The following ZC3H3 variants were observed in gnomAD, a reference collection of about 807,000 sequenced individuals.
ZC3H3 encodes the protein zinc finger CCCH domain-containing protein 3.
Under a neutral mutation model 77.3 loss-of-function variants are expected in ZC3H3, and 36 were observed. The ratio of observed to expected loss-of-function variants is 0.47; its 90% CI spans 0.36 to 0.61. ZC3H3 has a LOEUF of 0.61. Among genes scored for constraint, ZC3H3 ranks in the 20% least tolerant of loss-of-function variants. ZC3H3 has a pLI of 0.00. For synonymous variants in ZC3H3, 626 were observed against 555.2 expected, an observed-to-expected ratio of 1.13 and a Z score of -1.79; for missense variants, 1,331 against 1,312.2, an observed-to-expected ratio of 1.01 and a Z score of -0.22.
In ZC3H3 at chr8:143,533,770, G is replaced by A. The variant is rs181480871; in HGVS notation, c.1561+2487C>T. On this transcript the variant is annotated intron_variant, in intron 3 of 11. Transcript: ENST00000262577. This position sits in a 1 kb window ranked among gnomAD's most constrained non-coding sequence, Gnocchi z 4.0. ...GGCACGATCTAACCTCTGCCTCCTG[G>A]GTTCAAGTGATTCTCCTGCCTCAGC... 6.6e-6 allele frequency among the ~76,000 whole-genome samples: 1 copy of A among 151,652 alleles called. No individual in the cohort carries two copies. The highest frequency in any genetic ancestry group is 1.5e-5 in the Non-Finnish European group (1 of 67,970).
At chr8:143,517,937 G>A (rs1282164718) in intron 3 of ZC3H3, among the ~76,000 whole-genome samples, 4 of 152,200 alleles carry the variant, frequency 2.6e-5, no homozygotes, top group Admixed American at 2.0e-4. Flanking sequence ...ACCTGCTCGG[G>A]GCCAGGACAG....
chr8:143,463,540 C>T (rs573819011), intron 9 of ZC3H3, among the ~76,000 whole-genome samples: 1 of 152,286 alleles, frequency 6.6e-6, no homozygotes, highest in South Asian at 2.1e-4. Context: ...ACGCCGGCCG[C>T]GGATCAGAAT....
intron 4 of ZC3H3, among the ~76,000 whole-genome samples, chr8:143,504,607 C>G (rs531468763): frequency 6.6e-6 from 1 of 152,168 alleles, no homozygotes; most frequent in Non-Finnish European, 1.5e-5. Flanking sequence ...CAGGCAGGGA[C>G]GGGCTGTCAG....
intron 4 of ZC3H3, among the ~76,000 whole-genome samples, chr8:143,502,106 T>G (rs1206256716): frequency 1.3e-5 from 2 of 152,258 alleles, no homozygotes; most frequent in Non-Finnish European, 2.9e-5. Flanking sequence ...GGAAGACAGC[T>G]GTCTGTAAAC....
At position 143,533,927 on chromosome 8, in the gene ZC3H3, C is replaced by T. The variant is rs1001548544; in HGVS notation, c.1561+2330G>A. On this transcript the variant is annotated intron_variant, in intron 3 of 11. Coordinates refer to ENST00000262577, the MANE Select transcript of ZC3H3 (RefSeq NM_015117.3). This position sits in a 1 kb window ranked among gnomAD's most constrained non-coding sequence, Gnocchi z 4.0. ...CTGACCTCAGGTGATCCACCCGCCT[C>T]GGCCTCCCAGTGTGCTGGGATTACA... Among the ~76,000 whole-genome samples the T allele has an allele frequency of 5.9e-5, 9 of 152,098 alleles. No homozygotes were observed. Among genetic ancestry groups the T allele is most frequent in the Admixed American group, 3.3e-4 (5 of 15,282 alleles).
chr8:143,510,549 G>T (rs1010929929), intron 3 of ZC3H3, among the ~76,000 whole-genome samples: 1 of 152,212 alleles, frequency 6.6e-6, no homozygotes. Flanking sequence ...CATGGCACAC[G>T]GACCCAGAAA....
chr8:143,489,206 T>C (rs1821129934), intron 4 of ZC3H3, among the ~76,000 whole-genome samples: 1 of 152,138 alleles, frequency 6.6e-6, no homozygotes, highest in African/African-American at 2.4e-5. Context: ...CAGAGAAAGG[T>C]TGGAGCTGGG....
chr8:143,461,158 T>C (rs1439111777), intron 9 of ZC3H3, among the ~76,000 whole-genome samples: 4 of 152,182 alleles, frequency 2.6e-5, no homozygotes, highest in African/African-American at 9.7e-5. Context: ...AACTATTGAA[T>C]TGTACACTAA....
At chr8:143,438,173 CG>C (rs200065716) in intron 11 of ZC3H3, 86 bp from the exon 12 acceptor site, 6 of 1,526,750 alleles carry the variant, frequency 3.9e-6, no homozygotes, top group Middle Eastern at 1.7e-4. Context: ...GGCTCAGGAT[CG>C]GGGGGCTCTG....
chr8:143,532,962 G>A (rs567549736), intron 3 of ZC3H3, among the ~76,000 whole-genome samples: 1 of 152,264 alleles, frequency 6.6e-6, no homozygotes, highest in South Asian at 2.1e-4. Flanking sequence ...CATCTCCACG[G>A]GCTCCCTGCC....
intron 3 of ZC3H3, among the ~76,000 whole-genome samples, chr8:143,525,453 G>A (rs1439417878): frequency 1.3e-5 from 2 of 152,220 alleles, no homozygotes; most frequent in Non-Finnish European, 2.9e-5. Context: ...GCTGAGCCCA[G>A]AGACTCTGTG....
At chr8:143,491,711 G>A (rs1821208487) in intron 4 of ZC3H3, among the ~76,000 whole-genome samples, 1 of 152,246 alleles carries the variant, frequency 6.6e-6, no homozygotes, top group Admixed American at 6.5e-5. Context: ...TCACAGCAGG[G>A]ATGGGGTGGA....
At position 143,468,410 on chromosome 8, in the gene ZC3H3, C is replaced by T. The variant is rs748953654; in HGVS notation, c.2077G>A (p.Asp693Asn). The stretch of plus-strand genomic sequence containing the variant: ...GTGCACACGGCCACCTTCTCGGGAT[C>T]GTGGATGTAGGGGCAGCGCTCGCCA... ...NRGERCPYIH[D>N]PEKVAVCTRF... Residue 693 changes from aspartate (D) to asparagine (N), a missense_variant, in exon 7 of 12, where the codon GAT becomes AAT. Asp to Asn is a conservative substitution (Grantham distance 23, BLOSUM62 1). Around this residue, in one of 3 missense-constraint regions of ZC3H3, gnomAD observed 104 missense variants for 159.7 expected, o/e 0.65. Coordinates refer to ENST00000262577, the MANE Select transcript of ZC3H3 (RefSeq NM_015117.3). 1.6e-5 allele frequency: 25 copies of T among 1,612,398 alleles called. No homozygotes were observed. The Middle Eastern group carries it at 2.1e-3, about 138-fold the overall frequency.
rs1471536563 is a variant in ZC3H3, at chr8:143,493,771, T to C, written c.1715+13975A>G. Among the ~76,000 whole-genome samples the C allele has an allele frequency of 3.9e-5, 6 of 152,150 alleles. No homozygotes were observed. The highest frequency in any genetic ancestry group is 1.4e-4 in the African/African-American group (6 of 41,428). On this transcript the variant is annotated intron_variant, in intron 4 of 11. Coordinates refer to ENST00000262577, the MANE Select transcript of ZC3H3 (RefSeq NM_015117.3). The surrounding 1 kb of genome is among the most constrained non-coding windows in gnomAD (Gnocchi z 4.8). ...GGATCTAAAAATTGCACTCCTTCCT[T>C]AATGAGCAGCCGAAGGGATCGGTAA...
At chr8:143,452,411 G>A (rs932201222) in intron 9 of ZC3H3, among the ~76,000 whole-genome samples, 18 of 152,202 alleles carry the variant, frequency 1.2e-4, no homozygotes, top group Admixed American at 9.2e-4. Context: ...GAAGGAGGCA[G>A]CCCCTCCACC....
At position 143,539,094 on chromosome 8, in the gene ZC3H3, A is replaced by G. The variant is rs1309417708; in HGVS notation, c.273T>C (p.Ala91=). 3 of 1,612,938 alleles carry G rather than the reference A, an allele frequency of 1.9e-6. No homozygotes were observed. The highest frequency in any genetic ancestry group is 1.7e-5 in the Admixed American group (1 of 60,028). ...PGPSDPPADH[A]VRPLHGARGG... is the part of the protein sequence containing the mutation. ...CCCGGGCCCCGTGCAACGGCCGCAC[A>G]GCATGGTCGGCAGGAGGGTCTGAGG... The change falls in exon 2 of 12, where the codon GCT becomes GCC. Residue 91 remains alanine (A), a synonymous_variant. Coordinates refer to ENST00000262577, the MANE Select transcript of ZC3H3 (RefSeq NM_015117.3).
intron 4 of ZC3H3, among the ~76,000 whole-genome samples, chr8:143,483,259 C>T (rs576120272): frequency 2.0e-5 from 3 of 152,342 alleles, no homozygotes; most frequent in South Asian, 2.1e-4. Flanking sequence ...CCCCCATCAC[C>T]GTGCTGGCTC....
intron 3 of ZC3H3, among the ~76,000 whole-genome samples, chr8:143,528,904 G>A (rs1168837615): frequency 6.6e-6 from 1 of 152,258 alleles, no homozygotes; most frequent in African/African-American, 2.4e-5. Flanking sequence ...GGGCGGCCAG[G>A]GTGCTCCCCA....
chr8:143,442,257 CTCACTCAT>C (rs1819761247), intron 9 of ZC3H3, among the ~76,000 whole-genome samples: 1 of 152,156 alleles, frequency 6.6e-6, no homozygotes, highest in Admixed American at 6.5e-5. Flanking sequence ...TGCACCCTCA[CTCACTCAT>C]TCATTCCTGC....
Sources: allele counts gnomAD v4.1 joint callset (sites outside exome capture counted in the v4.1 genomes callset), GRCh38; gene constraint gnomAD v4.1.1; regional missense constraint gnomAD v4.1.1; non-coding constraint Gnocchi (gnomAD v3.1); transcripts MANE v1.5; gene names NCBI Gene and HGNC (gene_info 2026-07-23, HGNC 2026-07-21).